The following SUCLG2 variants were observed in gnomAD, a reference collection of about 807,000 sequenced individuals.
SUCLG2 encodes succinate--CoA ligase [GDP-forming] subunit beta, mitochondrial.
Under a neutral mutation model 47.9 loss-of-function variants are expected in SUCLG2, and 42 were observed. The ratio of observed to expected loss-of-function variants is 0.88; its 90% CI spans 0.69 to 1.14. SUCLG2 has a LOEUF of 1.14. SUCLG2 is among the 50% of genes most tolerant of loss of function. The probability of loss-of-function intolerance (pLI) is 0.00; values close to 1 mark genes in which losing one functional copy is unlikely to be tolerated. For synonymous variants in SUCLG2, 195 were observed against 197.3 expected (o/e 0.99, Z 0.10); for missense variants, 571 against 525.9 (o/e 1.09, Z -0.84).
chr3:67,432,072 A>G (rs527567699), intron 9 of SUCLG2, among the ~76,000 whole-genome samples: 2 of 152,140 alleles, frequency 1.3e-5, no homozygotes, highest in Non-Finnish European at 2.9e-5. Flanking sequence ...CTTTGTCCCA[A>G]CTGCATTTTT....
intron 1 of SUCLG2, among the ~76,000 whole-genome samples, chr3:67,646,454 G>C (rs753816969): frequency 6.6e-6 from 1 of 152,074 alleles, no homozygotes; most frequent in African/African-American, 2.4e-5. Context: ...AATTAGCTAG[G>C]TGTGGTGGTG....
chr3:67,438,003 C>A (rs1204332527), intron 9 of SUCLG2, among the ~76,000 whole-genome samples: 2 of 152,074 alleles, frequency 1.3e-5, no homozygotes, highest in Non-Finnish European at 2.9e-5. Flanking sequence ...ACGTGATGCA[C>A]TGTCGCTTCT....
intron 7 of SUCLG2, 47 bp from the exon 8 acceptor site, chr3:67,498,342 T>C (rs1410799960): frequency 4.4e-6 from 7 of 1,591,816 alleles, no homozygotes; most frequent in African/African-American, 1.3e-5. Context: ...CTTGAGGATC[T>C]ATAAATTAAG....
At chr3:67,481,409 TACA>T (rs1020083227) in intron 9 of SUCLG2, among the ~76,000 whole-genome samples, 1 of 152,214 alleles carries the variant, frequency 6.6e-6, no homozygotes, top group Non-Finnish European at 1.5e-5. Context: ...TGTATTCCGG[TACA>T]ACTTTATTTA....
At chr3:67,444,827 GT>G (rs1359915178) in intron 9 of SUCLG2, among the ~76,000 whole-genome samples, 1 of 9,874 alleles carries the variant, frequency 1.0e-4, no homozygotes, top group African/African-American at 5.6e-4. Context: ...GGGGGTGTCA[GT>G]CCCCCGCCCG....
At chr3:67,644,206 A>G (rs1362581492) in intron 1 of SUCLG2, among the ~76,000 whole-genome samples, 3 of 152,220 alleles carry the variant, frequency 2.0e-5, no homozygotes, top group African/African-American at 7.2e-5. Flanking sequence ...CATTATTCAC[A>G]TAGCCAAAAA....
chr3:67,487,054 T>G (rs1245848515), intron 9 of SUCLG2, among the ~76,000 whole-genome samples: 2 of 152,146 alleles, frequency 1.3e-5, no homozygotes, highest in Non-Finnish European at 2.9e-5. Context: ...TAGATTAGAT[T>G]ACAGTGAAAT....
chr3:67,551,125 C>A (rs1268599849), intron 2 of SUCLG2, among the ~76,000 whole-genome samples: 1 of 152,022 alleles, frequency 6.6e-6, no homozygotes, highest in Non-Finnish European at 1.5e-5. Flanking sequence ...TGCAAGTATT[C>A]AGAAATAAGT....
intron 1 of SUCLG2, among the ~76,000 whole-genome samples, chr3:67,626,904 A>G (rs1318539426): frequency 8.6e-6 from 1 of 116,248 alleles, no homozygotes; most frequent in Non-Finnish European, 1.7e-5. Flanking sequence ...ACAGAGTGAG[A>G]CTCCGTCTCA....
In SUCLG2 at chr3:67,589,669, G is replaced by A. The variant is rs1339815898; in HGVS notation, c.226+19786C>T. Among the ~76,000 whole-genome samples, 4 of 152,322 alleles carry A rather than the reference G, an allele frequency of 2.6e-5. No homozygotes were observed. In the South Asian group the frequency reaches 6.2e-4, roughly 24 times the overall value. On this transcript the variant is annotated intron_variant, in intron 2 of 10. Coordinates refer to ENST00000307227, the MANE Select transcript of SUCLG2 (RefSeq NM_003848.4). The stretch of plus-strand genomic sequence containing the variant: ...CTTTTCAAGATGGGGCCTTCCAAGG[G>A]AAGCATCTGCTGTCCTCTAATTATA...
intron 9 of SUCLG2, among the ~76,000 whole-genome samples, chr3:67,457,294 A>G (rs1421222682): frequency 6.6e-6 from 1 of 152,234 alleles, no homozygotes; most frequent in African/African-American, 2.4e-5. Flanking sequence ...AGAAAAGAAC[A>G]GATTTTCAAT....
intron 9 of SUCLG2, among the ~76,000 whole-genome samples, chr3:67,435,997 C>T (rs1215479319): frequency 1.3e-5 from 2 of 152,090 alleles, no homozygotes; most frequent in Non-Finnish European, 2.9e-5. Flanking sequence ...GAGATGCATA[C>T]GTTATAGCAG....
intron 2 of SUCLG2, among the ~76,000 whole-genome samples, chr3:67,574,838 A>T (rs1707702822): frequency 6.6e-6 from 1 of 152,234 alleles, no homozygotes; most frequent in Non-Finnish European, 1.5e-5. Flanking sequence ...TCCAGAATTT[A>T]TGAATAACTC....
At chr3:67,471,812 C>G (rs939602639) in intron 9 of SUCLG2, among the ~76,000 whole-genome samples, 1 of 152,164 alleles carries the variant, frequency 6.6e-6, no homozygotes, top group African/African-American at 2.4e-5. Context: ...CCAAGGCCAA[C>G]TAAATATGCT....
chr3:67,454,961 CAA>C lies in SUCLG2; in HGVS notation c.1062+40835_1062+40836del, dbSNP rs61683854. Among the ~76,000 whole-genome samples the C allele has an allele frequency of 2.2e-4, 25 of 111,596 alleles. No homozygotes were observed. The East Asian group carries it at 2.5e-3, about 11-fold the overall frequency. 73.2% of individuals were successfully genotyped at this position (111,596 alleles called of 152,430 possible). On this transcript the variant is annotated intron_variant, in intron 9 of 10. Transcript: ENST00000307227. ...TGGGCGACAGAGTGAGACTCCGTCT[CAA>C]AAAAAAAAAAAAAAAAAAGAAAATG...
rs1184313475 is a variant in SUCLG2 at position 67,514,123 on chromosome 3, G to T, written c.660+4124C>A. 5 of 305,562 alleles carry T rather than the reference G, an allele frequency of 1.6e-5. No homozygotes were observed. In the Admixed American group the frequency reaches 2.1e-4, roughly 13 times the overall value. 18.9% of individuals were successfully genotyped at this position (305,562 alleles called of 1,614,324 possible). ...CCCTAACTGCTGACGGCTCATTGAA[G>T]ATCCTGCCTTGATTTGTTGGACCTA... On this transcript the variant is annotated intron_variant, in intron 6 of 10. Coordinates refer to ENST00000307227, the MANE Select transcript of SUCLG2 (RefSeq NM_003848.4).
At chr3:67,432,822 T>C (rs1455103938) in intron 9 of SUCLG2, among the ~76,000 whole-genome samples, 1 of 152,226 alleles carries the variant, frequency 6.6e-6, no homozygotes, top group African/African-American at 2.4e-5. Flanking sequence ...GCTTTTGAAT[T>C]TGCTGAAGGA....
At chr3:67,591,677 T>C (rs1354293065) in intron 2 of SUCLG2, among the ~76,000 whole-genome samples, 1 of 152,110 alleles carries the variant, frequency 6.6e-6, no homozygotes, top group Non-Finnish European at 1.5e-5. Context: ...GAACTGTAAG[T>C]CCAATTAAAT....
intron 9 of SUCLG2, among the ~76,000 whole-genome samples, chr3:67,480,156 C>A (rs56393250): frequency 0.53 from 80,671 of 151,742 alleles, 22,552 homozygotes; most frequent in Middle Eastern, 0.63. Context: ...AAGAATAGTA[C>A]TCATGGTATG....
Sources: allele counts gnomAD v4.1 joint callset (sites outside exome capture counted in the v4.1 genomes callset), GRCh38; gene constraint gnomAD v4.1.1; transcripts MANE v1.5; gene names NCBI Gene and HGNC (gene_info 2026-07-23, HGNC 2026-07-21).